The following LRRC7 variants were observed in gnomAD, a reference collection of about 807,000 sequenced individuals.
LRRC7 encodes leucine rich repeat containing 7.
In LRRC7, 23 loss-of-function variants were observed where a neutral mutation model predicts 175.7. The observed-to-expected ratio is 0.13, with a 90% confidence interval of 0.09 to 0.19. The LOEUF (loss-of-function observed/expected upper bound fraction) is 0.19, where lower values mean the gene tolerates loss of function less well. LRRC7 is among the 10% of genes least tolerant of loss of function. The pLI, the probability that LRRC7 is intolerant of heterozygous loss-of-function variation, is 1.00. For missense variants in LRRC7, 1,354 were observed against 1,904.7 expected (o/e 0.71, Z 5.38); for synonymous variants, 685 against 680.9 (o/e 1.01, Z -0.09).
At chr1:70,032,087 G>A (rs1370928112) in intron 18 of LRRC7, among the ~76,000 whole-genome samples, 7 of 152,232 alleles carry the variant, frequency 4.6e-5, no homozygotes, top group South Asian at 2.1e-4. Flanking sequence ...GTGAGCCACC[G>A]CTCCCGGCCA....
chr1:69,946,000 C>T (rs1024932453), intron 8 of LRRC7, among the ~76,000 whole-genome samples: 1 of 152,066 alleles, frequency 6.6e-6, no homozygotes, highest in African/African-American at 2.4e-5. Flanking sequence ...GCTAGGATTT[C>T]CGGTACTCTG....
intron 1 of LRRC7, among the ~76,000 whole-genome samples, chr1:69,612,974 G>A (rs1223123822): frequency 6.6e-6 from 1 of 152,000 alleles, no homozygotes; most frequent in Non-Finnish European, 1.5e-5. Context: ...GGTTCTCTAT[G>A]TGCCATATTT....
intron 7 of LRRC7, among the ~76,000 whole-genome samples, chr1:69,846,710 A>G (rs1682409791): frequency 6.6e-6 from 1 of 151,984 alleles, no homozygotes; most frequent in South Asian, 2.1e-4. Flanking sequence ...TTAAGCTGGG[A>G]AATATATTTT....
At chr1:70,037,825 T>G (rs890291909) in intron 20 of LRRC7, among the ~76,000 whole-genome samples, 1 of 152,130 alleles carries the variant, frequency 6.6e-6, no homozygotes, top group Non-Finnish European at 1.5e-5. Context: ...TCTACCATTG[T>G]GAGTTTATAT....
chr1:70,108,081 T>C (rs1353332669), intron 26 of LRRC7, among the ~76,000 whole-genome samples: 1 of 150,366 alleles, frequency 6.7e-6, no homozygotes, highest in East Asian at 1.9e-4. Flanking sequence ...ATGGAATTAC[T>C]TGATAATATA....
At chr1:69,964,931 G>T (rs1457486341) in intron 8 of LRRC7, among the ~76,000 whole-genome samples, 1 of 152,138 alleles carries the variant, frequency 6.6e-6, no homozygotes, top group African/African-American at 2.4e-5. Context: ...CCTTATACCT[G>T]GCCATCTAGA....
At chr1:69,651,484 A>G (rs1437897037) in intron 1 of LRRC7, among the ~76,000 whole-genome samples, 1 of 152,230 alleles carries the variant, frequency 6.6e-6, no homozygotes, top group South Asian at 2.1e-4. Flanking sequence ...GATAAAATTA[A>G]CATAATTTAT....
intron 7 of LRRC7, among the ~76,000 whole-genome samples, chr1:69,904,068 C>A (rs1025670007): frequency 4.7e-4 from 72 of 152,130 alleles, no homozygotes; most frequent in Non-Finnish European, 6.9e-4. Context: ...CAAATTCTAC[C>A]AGAGGAACTG....
At chr1:70,116,472 G>C (rs1470826083) in intron 26 of LRRC7, among the ~76,000 whole-genome samples, 1 of 151,362 alleles carries the variant, frequency 6.6e-6, no homozygotes, top group East Asian at 1.9e-4. Context: ...GCGTGAGCCC[G>C]GGAGGCAGAG....
chr1:69,738,292 A>T lies in LRRC7; in HGVS notation c.101-21899A>T, dbSNP rs531577128. On this transcript the variant is annotated intron_variant, in intron 2 of 26. Transcript: ENST00000651989. ...AGAGCTGGTAATTGGCAGAGCTGGG[A>T]TTTGCACCCTGACCCTGTCATCCCA... is the stretch of plus-strand genomic sequence containing the variant. 4.3e-4 allele frequency among the ~76,000 whole-genome samples: 65 copies of T among 152,044 alleles called. 1 individual carries two copies. The highest frequency in any genetic ancestry group is 3.4e-3 in the Middle Eastern group (1 of 294).
chr1:69,993,739 T>C (rs989420589), intron 10 of LRRC7, among the ~76,000 whole-genome samples: 1 of 152,184 alleles, frequency 6.6e-6, no homozygotes, highest in Non-Finnish European at 1.5e-5. Context: ...ATAGTGTACA[T>C]GTGTAGTTCC....
chr1:70,027,188 A>G (rs1197983159), intron 17 of LRRC7, among the ~76,000 whole-genome samples: 1 of 152,164 alleles, frequency 6.6e-6, no homozygotes, highest in Admixed American at 6.6e-5. Context: ...GATTCTACTC[A>G]GATGCAAAAC....
chr1:70,101,847 A>G (rs896971771), intron 25 of LRRC7, among the ~76,000 whole-genome samples: 1 of 152,224 alleles, frequency 6.6e-6, no homozygotes, highest in Non-Finnish European at 1.5e-5. Flanking sequence ...GTTCAAACCT[A>G]GAGGAGTCCC....
intron 8 of LRRC7, among the ~76,000 whole-genome samples, chr1:69,975,428 T>G (rs924765330): frequency 2.6e-5 from 4 of 152,336 alleles, no homozygotes; most frequent in Admixed American, 2.0e-4. Flanking sequence ...TAATTTTTCC[T>G]TCTTCCACTT....
At position 70,134,529 on chromosome 1, in the gene LRRC7, T is replaced by C. The variant is rs375767574; in HGVS notation, c.*12642T>C. ...GTGTTCCCCTGCCAACCATTTAATC[T>C]TTTTTTCTTCCAACCCGGAGCAAAG... is the stretch of plus-strand genomic sequence containing the variant. On this transcript the variant is annotated 3_prime_UTR_variant, in exon 27 of 27. Transcript: ENST00000651989. Among the ~76,000 whole-genome samples the C allele has an allele frequency of 6.6e-6, 1 of 152,158 alleles. No individual in the cohort carries two copies. The highest frequency in any genetic ancestry group is 1.9e-4 in the East Asian group (1 of 5,198).
chr1:70,087,244 G>C (rs17131190), intron 24 of LRRC7, among the ~76,000 whole-genome samples: 23,319 of 152,016 alleles, frequency 0.15, 2,848 homozygotes, highest in African/African-American at 0.33. Flanking sequence ...AGAACAACTG[G>C]AAACTACTCT....
At chr1:69,783,798 T>C (rs1187196573) in intron 3 of LRRC7, among the ~76,000 whole-genome samples, 3 of 146,406 alleles carry the variant, frequency 2.0e-5, no homozygotes, top group African/African-American at 7.4e-5. Context: ...TAACTGGTCA[T>C]CTATAAGTGG....
chr1:69,576,093 G>A (rs1402141166), intron 1 of LRRC7, among the ~76,000 whole-genome samples: 1 of 149,790 alleles, frequency 6.7e-6, no homozygotes, highest in Non-Finnish European at 1.5e-5. Flanking sequence ...GTAGCCAAGA[G>A]TGGTGGTGCT....
At chr1:69,748,323 G>A (rs546981327) in intron 2 of LRRC7, among the ~76,000 whole-genome samples, 1 of 152,190 alleles carries the variant, frequency 6.6e-6, no homozygotes, top group African/African-American at 2.4e-5. Flanking sequence ...CAGAAAAGAT[G>A]GGTCTCTTAT....
Sources: gnomAD v4.1 joint callset for allele counts (sites outside exome capture counted in the v4.1 genomes callset) on GRCh38, gnomAD v4.1.1 for gene constraint, MANE v1.5 for transcripts, NCBI Gene and HGNC (gene_info 2026-07-23, HGNC 2026-07-21) for gene names.